The following PCGF5 variants were observed in gnomAD, a reference collection of about 807,000 sequenced individuals.
PCGF5 encodes polycomb group ring finger 5, also known as polycomb group RING finger protein 5.
In PCGF5, 9 loss-of-function variants were observed where a neutral mutation model predicts 44.3. The ratio of observed to expected loss-of-function variants is 0.20; its 90% CI spans 0.12 to 0.35. The LOEUF is 0.35. Among genes scored for constraint, PCGF5 ranks in the 10% least tolerant of loss-of-function variants. The pLI is 1.00. For synonymous variants in PCGF5, 95 were observed against 102.5 expected (o/e 0.93, Z 0.44); for missense variants, 146 against 305.3 (o/e 0.48, Z 3.89).
At chr10:91,276,152 A>G (rs975857200) in intron 9 of PCGF5, among the ~76,000 whole-genome samples, 3 of 151,880 alleles carry the variant, frequency 2.0e-5, no homozygotes, top group Non-Finnish European at 4.4e-5. Flanking sequence ...AATATACACT[A>G]AAATTATTAT....
chr10:91,188,229 A>G (rs1446606294), intron 1 of PCGF5, among the ~76,000 whole-genome samples: 1 of 152,232 alleles, frequency 6.6e-6, no homozygotes, highest in Non-Finnish European at 1.5e-5. Flanking sequence ...GCAGCGCACC[A>G]TGCGCGAGCT....
chr10:91,249,300 G>T (rs984232515), intron 5 of PCGF5, among the ~76,000 whole-genome samples: 4 of 149,394 alleles, frequency 2.7e-5, no homozygotes, highest in Non-Finnish European at 5.9e-5. Context: ...AAAAGACTCA[G>T]CAATTAGTAA....
intron 1 of PCGF5, among the ~76,000 whole-genome samples, chr10:91,214,584 C>A (rs974495028): frequency 6.6e-6 from 1 of 152,172 alleles, no homozygotes; most frequent in Non-Finnish European, 1.5e-5. Flanking sequence ...ATTATAAGAA[C>A]AAAGCAAAAC....
chr10:91,267,662 AG>A (rs780420103), intron 8 of PCGF5, among the ~76,000 whole-genome samples: 15 of 152,238 alleles, frequency 9.9e-5, no homozygotes, highest in Non-Finnish European at 1.9e-4. Context: ...TAATATTAAT[AG>A]ATGAATTCTG....
intron 1 of PCGF5, among the ~76,000 whole-genome samples, chr10:91,205,275 G>A (rs1302859882): frequency 7.2e-6 from 1 of 138,612 alleles, no homozygotes; most frequent in African/African-American, 2.5e-5. Flanking sequence ...TTTTTTCTGG[G>A]TTTCTAAATG....
chr10:91,193,405 A>T (rs77598522), intron 1 of PCGF5, among the ~76,000 whole-genome samples: 3,199 of 134,994 alleles, frequency 0.024, 109 homozygotes, highest in African/African-American at 0.08. Flanking sequence ...ATTAGTGGTA[A>T]TTTGTCATGG....
At position 91,280,174 on chromosome 10, in the gene PCGF5, A is replaced by G. The variant is rs554378453; in HGVS notation, c.*1858A>G. On this transcript the variant is annotated 3_prime_UTR_variant, in exon 10 of 10. Coordinates refer to ENST00000336126, the MANE Select transcript of PCGF5 (RefSeq NM_032373.5). ...ATCTAGCTACAGAAATTATTTTTCT[A>G]TGGTGTGAAACTGTTCCCAGACATC... 2.0e-4 allele frequency: 30 copies of G among 152,168 alleles called. No homozygotes were observed. Among genetic ancestry groups the G allele is most frequent in the South Asian group, 1.0e-3 (5 of 4,824 alleles). 9.4% of individuals were successfully genotyped at this position (152,168 alleles called of 1,614,324 possible).
chr10:91,187,372 A>G (rs1843946209), intron 1 of PCGF5, among the ~76,000 whole-genome samples: 1 of 152,080 alleles, frequency 6.6e-6, no homozygotes, highest in Non-Finnish European at 1.5e-5. Context: ...TCTGGCAGGC[A>G]CCTTACTGAG....
rs1472104801 is a variant in PCGF5 at position 91,187,981 on chromosome 10, A to T, written c.-184+24900A>T. On this transcript the variant is annotated intron_variant, in intron 1 of 9. Transcript: ENST00000614189. ...TTTATTTTAAACTTTTAATTTTTTT[A>T]AATTATTATTATACTTTTAAGTTTT... Among the ~76,000 whole-genome samples the T allele has an allele frequency of 2.6e-5, 4 of 151,070 alleles. No homozygotes were observed. The South Asian group carries it at 6.3e-4, about 24-fold the overall frequency.
At chr10:91,170,954 G>T (rs1007877756) in intron 1 of PCGF5, among the ~76,000 whole-genome samples, 2 of 152,200 alleles carry the variant, frequency 1.3e-5, no homozygotes, top group Admixed American at 1.3e-4. Flanking sequence ...CATGGAGGAA[G>T]CTTAAATGCA....
chr10:91,240,431 T>A (rs1031125806), intron 2 of PCGF5, 53 bp from the exon 3 acceptor site: 5 of 1,182,482 alleles, frequency 4.2e-6, no homozygotes, highest in Non-Finnish European at 6.2e-6. Context: ...TAGTTTAACA[T>A]TAAATGAGCG....
At chr10:91,253,754 G>A (rs1023178958) in intron 6 of PCGF5, among the ~76,000 whole-genome samples, 2 of 151,938 alleles carry the variant, frequency 1.3e-5, no homozygotes, top group Admixed American at 6.6e-5. Context: ...GTTATCCAGG[G>A]CTAGGGCCAC....
intron 9 of PCGF5, among the ~76,000 whole-genome samples, chr10:91,274,450 G>A (rs768466429): frequency 7.2e-5 from 11 of 152,130 alleles, no homozygotes; most frequent in Non-Finnish European, 1.5e-4. Context: ...TCTGTAAAGA[G>A]GGTATTTCAA....
At chr10:91,180,428 G>T (rs540435475) in intron 1 of PCGF5, among the ~76,000 whole-genome samples, 1 of 152,196 alleles carries the variant, frequency 6.6e-6, no homozygotes, top group African/African-American at 2.4e-5. Context: ...CCATGCCTAT[G>T]CCCTGAATGA....
chr10:91,193,055 A>T (rs894513542), intron 1 of PCGF5, among the ~76,000 whole-genome samples: 2 of 152,200 alleles, frequency 1.3e-5, no homozygotes, highest in Non-Finnish European at 2.9e-5. Flanking sequence ...TTGTGGCCAC[A>T]GTTGGAATGA....
At chr10:91,254,003 A>T (rs1845684889) in intron 6 of PCGF5, among the ~76,000 whole-genome samples, 1 of 152,080 alleles carries the variant, frequency 6.6e-6, no homozygotes, top group Non-Finnish European at 1.5e-5. Context: ...GTCATTGTAC[A>T]GGCCAAAAGT....
chr10:91,227,546 C>A, intron 2 of PCGF5: 1 of 1,201,248 alleles, frequency 8.3e-7, no homozygotes, highest in Non-Finnish European at 1.1e-6. Flanking sequence ...TTAGTTTCAT[C>A]CCTCTGTTAC....
At position 91,282,111 on chromosome 10, in the gene PCGF5, A is replaced by G. The variant is rs1160949761; in HGVS notation, c.*3795A>G. ...CACTTACTTGTATAGAAAAGACTTC[A>G]TTCTATGGGATTTATATAAGTAAGT... On this transcript the variant is annotated 3_prime_UTR_variant, in exon 10 of 10. Coordinates refer to ENST00000336126, the MANE Select transcript of PCGF5 (RefSeq NM_032373.5). 1 of 152,230 alleles carries G rather than the reference A, an allele frequency of 6.6e-6. No individual in the cohort carries two copies. Among genetic ancestry groups the G allele is most frequent in the African/African-American group, 2.4e-5 (1 of 41,464 alleles). The allele number at this position is 152,230 out of a possible 1,614,324, so 9.4% of individuals were successfully genotyped here. A position where few individuals can be genotyped will look rare whatever the true frequency, so the allele number is the denominator to read the frequency against.
chr10:91,190,489 T>G (rs1011326827), intron 1 of PCGF5, among the ~76,000 whole-genome samples: 6 of 152,206 alleles, frequency 3.9e-5, no homozygotes, highest in African/African-American at 1.4e-4. Flanking sequence ...ACATGAGATT[T>G]GGTCTAAATT....
Sources: gnomAD v4.1 joint callset for allele counts (sites outside exome capture counted in the v4.1 genomes callset) on GRCh38, gnomAD v4.1.1 for gene constraint, MANE v1.5 for transcripts, NCBI Gene and HGNC (gene_info 2026-07-23, HGNC 2026-07-21) for gene names.